The following COL19A1 variants were observed in gnomAD, a reference collection of about 807,000 sequenced individuals.
COL19A1 encodes the protein collagen type XIX alpha 1 chain, also known as collagen alpha-1(XIX) chain.
In COL19A1, 159 loss-of-function variants were observed where a neutral mutation model predicts 190.2. That is an observed-to-expected ratio of 0.84 (90% CI 0.73 to 0.95). The LOEUF (loss-of-function observed/expected upper bound fraction) is 0.95. Ranked by LOEUF, COL19A1 falls within the 40% of genes least tolerant of loss-of-function variation. The pLI is 0.00. For missense variants in COL19A1, 1,418 were observed against 1,431.9 expected (o/e 0.99, Z 0.16); for synonymous variants, 509 against 458.9 (o/e 1.11, Z -1.39).
intron 18 of COL19A1, among the ~76,000 whole-genome samples, chr6:70,134,742 T>C (rs1785736179): frequency 6.6e-6 from 1 of 152,188 alleles, no homozygotes. Flanking sequence ...AGCAAACACT[T>C]CTTTCCTAGT....
In COL19A1 at chr6:70,023,612, A is replaced by G. The variant is rs1778566190; in HGVS notation, c.1027-15A>G. The G allele has an allele frequency of 6.2e-7, 1 of 1,600,090 alleles. No homozygotes were observed. Among genetic ancestry groups the G allele is most frequent in the Non-Finnish European group, 8.5e-7 (1 of 1,175,290 alleles). The stretch of plus-strand genomic sequence containing the variant: ...AGATATAAGATTTTTCATTGTATAA[A>G]TTGTTTCTTTTTAGGGTGAACAAGG... On this transcript the variant is annotated splice_polypyrimidine_tract_variant and intron_variant, in intron 11 of 50. Transcript: ENST00000620364.
intron 10 of COL19A1, 56 bp from the exon 11 acceptor site, chr6:69,962,770 G>T (rs1267940609): frequency 1.7e-6 from 2 of 1,163,350 alleles, no homozygotes; most frequent in African/African-American, 1.6e-5. Flanking sequence ...TGTAAAAATT[G>T]CATGTGTTAT....
At chr6:70,163,226 CTTAT>C in intron 35 of COL19A1, 113 bp from the exon 36 acceptor site, 3 of 873,374 alleles carry the variant, frequency 3.4e-6, no homozygotes, top group Non-Finnish European at 5.5e-6. Context: ...GCTTCTAGGG[CTTAT>C]TTAATTAGGA....
rs1774684281 is a variant in COL19A1, at chr6:69,960,101, G to A, written c.981+61G>A. 3.4e-6 allele frequency: 5 copies of A among 1,468,528 alleles called. No homozygotes were observed. The East Asian group carries it at 6.8e-5, about 20-fold the overall frequency. The allele number at this position is 1,468,528 out of a possible 1,614,324, so 91.0% of individuals were successfully genotyped here. ...ATTTTAACGTGTTAAAAATAAATTT[G>A]CACATAATATTCTGAAATTGTATTT... is the stretch of plus-strand genomic sequence containing the variant. On this transcript the variant is annotated intron_variant, in intron 10 of 50. Coordinates refer to ENST00000620364, the MANE Select transcript of COL19A1 (RefSeq NM_001858.6).
intron 11 of COL19A1, among the ~76,000 whole-genome samples, chr6:70,006,960 A>T (rs1464522164): frequency 6.6e-6 from 1 of 152,132 alleles, no homozygotes; most frequent in South Asian, 2.1e-4. Flanking sequence ...ATGAAAAACT[A>T]AAATAGCATG....
At chr6:69,899,130 T>C (rs1769988139) in intron 3 of COL19A1, 108 bp downstream of exon 3, 1 of 706,396 alleles carries the variant, frequency 1.4e-6, no homozygotes, top group Non-Finnish European at 2.4e-6. Context: ...TTTAAGATCA[T>C]AGCATTAACG....
chr6:70,178,117 T>G (rs1765929125), intron 42 of COL19A1, among the ~76,000 whole-genome samples: 1 of 152,328 alleles, frequency 6.6e-6, no homozygotes, highest in East Asian at 1.9e-4. Flanking sequence ...CTAGGCATAG[T>G]GGACTCACAC....
At chr6:70,149,963 A>G in intron 29 of COL19A1, 29 bp from the exon 30 acceptor site, 1 of 1,613,704 alleles carries the variant, frequency 6.2e-7, no homozygotes, top group Non-Finnish European at 8.5e-7. Context: ...CCACGTGCAA[A>G]GATTGAACAT....
chr6:70,114,081 G>A (rs1354160837), intron 16 of COL19A1, among the ~76,000 whole-genome samples: 1 of 151,890 alleles, frequency 6.6e-6, no homozygotes, highest in Non-Finnish European at 1.5e-5. Context: ...GAACTCCTGA[G>A]CTCAAGCAAT....
At chr6:70,060,790 CA>C (rs984841029) in intron 14 of COL19A1, among the ~76,000 whole-genome samples, 3 of 151,926 alleles carry the variant, frequency 2.0e-5, no homozygotes, top group Non-Finnish European at 4.4e-5. Flanking sequence ...ATAAAGTGCA[CA>C]AAAAAATATA....
intron 11 of COL19A1, among the ~76,000 whole-genome samples, chr6:70,018,396 T>C (rs768773027): frequency 1.3e-5 from 2 of 152,128 alleles, no homozygotes; most frequent in Non-Finnish European, 2.9e-5. Context: ...ATCATGAATT[T>C]ATAATAATAC....
intron 4 of COL19A1, among the ~76,000 whole-genome samples, chr6:69,926,030 A>C (rs1435476019): frequency 1.3e-5 from 2 of 152,192 alleles, no homozygotes; most frequent in African/African-American, 4.8e-5. Flanking sequence ...TGTCATCTGC[A>C]AACAGGGACA....
intron 2 of COL19A1, among the ~76,000 whole-genome samples, chr6:69,893,706 C>A (rs964053869): frequency 1.3e-5 from 2 of 152,188 alleles, no homozygotes; most frequent in African/African-American, 4.8e-5. Context: ...ATAGAAAATT[C>A]TTTCTCCTTT....
chr6:70,043,134 G>C (rs1243605097), intron 14 of COL19A1, among the ~76,000 whole-genome samples: 1 of 151,734 alleles, frequency 6.6e-6, no homozygotes, highest in Admixed American at 6.6e-5. Flanking sequence ...ATTTTGCCCA[G>C]GTTCATCAGA....
chr6:69,910,210 A>G (rs1054905232), intron 4 of COL19A1, among the ~76,000 whole-genome samples: 1 of 152,286 alleles, frequency 6.6e-6, no homozygotes, highest in African/African-American at 2.4e-5. Flanking sequence ...GGCACATGTG[A>G]CTACCCAGTT....
chr6:69,926,830 C>T (rs1223543461), intron 4 of COL19A1, among the ~76,000 whole-genome samples: 4 of 152,104 alleles, frequency 2.6e-5, no homozygotes, highest in African/African-American at 7.2e-5. Context: ...GATAACCAAA[C>T]TGCCAAAAGT....
At chr6:70,170,904 C>T (rs1765458402) in intron 40 of COL19A1, among the ~76,000 whole-genome samples, 1 of 152,142 alleles carries the variant, frequency 6.6e-6, no homozygotes, top group South Asian at 2.1e-4. Flanking sequence ...ACAGAGAACA[C>T]AATTTGAAAG....
At chr6:69,919,144 C>G (rs549122990) in intron 4 of COL19A1, among the ~76,000 whole-genome samples, 2 of 152,140 alleles carry the variant, frequency 1.3e-5, no homozygotes, top group African/African-American at 4.8e-5. Context: ...GGAGAGCTTC[C>G]TTCTCTGGAT....
At chr6:70,009,744 T>C (rs924268985) in intron 11 of COL19A1, among the ~76,000 whole-genome samples, 10 of 152,190 alleles carry the variant, frequency 6.6e-5, no homozygotes, top group African/African-American at 2.4e-4. Flanking sequence ...GATAGACAAA[T>C]AGACAAATGG....
Sources: gnomAD v4.1 joint callset for allele counts (sites outside exome capture counted in the v4.1 genomes callset) on GRCh38, gnomAD v4.1.1 for gene constraint, MANE v1.5 for transcripts, NCBI Gene and HGNC (gene_info 2026-07-23, HGNC 2026-07-21) for gene names.